Variants in VTA1 observed in about 807,000 individuals in gnomAD.
VTA1 encodes vesicle trafficking 1, also known as vacuolar protein sorting-associated protein VTA1 homolog.
A neutral mutation model predicts 36.9 loss-of-function variants in VTA1; 24 were observed. That is an observed-to-expected ratio of 0.65 (90% CI 0.47 to 0.91). The LOEUF is 0.91. VTA1 is among the 40% of genes least tolerant of loss of function. The pLI is 0.00. For synonymous variants in VTA1, 142 were observed against 130.2 expected (o/e 1.09, Z -0.62); for missense variants, 393 against 377.2 (o/e 1.04, Z -0.35).
chr6:142,165,702 A>G (rs1221679055), intron 1 of VTA1, among the ~76,000 whole-genome samples: 3 of 152,300 alleles, frequency 2.0e-5, no homozygotes, highest in East Asian at 3.9e-4. Flanking sequence ...GGTGACAGCT[A>G]TTTAGGTTTA....
chr6:142,222,406 G>C lies in VTA1; in HGVS notation c.*3763G>C, dbSNP rs553926539. 8.3e-4 allele frequency: 126 copies of C among 152,238 alleles called. No individual in the cohort carries two copies. Among genetic ancestry groups the C allele is most frequent in the African/African-American group, 2.9e-3 (121 of 41,556 alleles). 9.4% of individuals were successfully genotyped at this position (152,238 alleles called of 1,614,324 possible). On this transcript the variant is annotated 3_prime_UTR_variant, in exon 8 of 8. Transcript: ENST00000367630. ...GCTGCAAGCCAAGAATAGTTCCCATGGTTAGCATGGCCTAGGAAGTTTACT... is the reference window on the plus strand; with the variant it reads ...GCTGCAAGCCAAGAATAGTTCCCATCGTTAGCATGGCCTAGGAAGTTTACT...
intron 7 of VTA1, among the ~76,000 whole-genome samples, chr6:142,208,429 A>G (rs998796670): frequency 1.3e-5 from 2 of 152,190 alleles, no homozygotes; most frequent in African/African-American, 2.4e-5. Flanking sequence ...ACTGGCTACA[A>G]GATATAGAAA....
At chr6:142,154,955 T>C (rs1212270246) in intron 1 of VTA1, among the ~76,000 whole-genome samples, 1 of 152,110 alleles carries the variant, frequency 6.6e-6, no homozygotes, top group African/African-American at 2.4e-5. Context: ...TTTACCGCTT[T>C]CTTTAGATTT....
chr6:142,194,919 T>G (rs927718902), intron 5 of VTA1, among the ~76,000 whole-genome samples: 6 of 152,154 alleles, frequency 3.9e-5, no homozygotes, highest in East Asian at 1.9e-4. Flanking sequence ...AGGACTTTTT[T>G]TCTTCTGTTA....
At chr6:142,169,103 A>G (rs1054053581) in intron 2 of VTA1, among the ~76,000 whole-genome samples, 22 of 152,086 alleles carry the variant, frequency 1.4e-4, no homozygotes, top group Non-Finnish European at 3.1e-4. Context: ...TGAACCTTCT[A>G]GTCTTATTTT....
At position 142,176,995 on chromosome 6, in the gene VTA1, CTTA is replaced by C. The variant is rs200342754; in HGVS notation, c.411+6581_411+6583del. On this transcript the variant is annotated intron_variant, in intron 4 of 7. Transcript: ENST00000367630. ...TGGAACGTTTCAAAGTGAGCAACAT[CTTA>C]TTATTAGCCTAGAAAACCATGGTAA... is the stretch of plus-strand genomic sequence containing the variant. Among the ~76,000 whole-genome samples, 1,306 of 152,272 alleles carry C rather than the reference CTTA, an allele frequency of 8.6e-3. 20 individuals are homozygous for C. Among genetic ancestry groups the C allele is most frequent in the African/African-American group, 0.03 (1,233 of 41,546 alleles).
In VTA1 at chr6:142,198,488, A is replaced by T; in HGVS notation, c.570A>T (p.Pro190=). 6.2e-7 allele frequency: 1 copy of T among 1,614,088 alleles called. No homozygotes were observed. The highest frequency in any genetic ancestry group is 8.5e-7 in the Non-Finnish European group (1 of 1,179,980). The change falls in exon 6 of 8, where the codon CCA becomes CCT. Residue 190 remains proline, a synonymous_variant. Transcript: ENST00000367630. ...GAGCAGCCTCTCTGCCCACTCAGCC[A>T]ACTCAGCCATCATCATCTTCAACTT... ...DAGAASLPTQ[P]TQPSSSSTYD... is the part of the protein sequence containing the mutation.
At chr6:142,197,044 C>T (rs1775565210) in intron 5 of VTA1, among the ~76,000 whole-genome samples, 1 of 152,142 alleles carries the variant, frequency 6.6e-6, no homozygotes, top group African/African-American at 2.4e-5. Flanking sequence ...TGACTGCCCT[C>T]AGATGAACAG....
chr6:142,158,575 T>A (rs1778709948), intron 1 of VTA1, among the ~76,000 whole-genome samples: 1 of 152,218 alleles, frequency 6.6e-6, no homozygotes, highest in African/African-American at 2.4e-5. Flanking sequence ...TCTTATGTTT[T>A]TATCCATTAT....
At chr6:142,161,089 C>CA (rs1350593969) in intron 1 of VTA1, among the ~76,000 whole-genome samples, 1 of 143,494 alleles carries the variant, frequency 7.0e-6, no homozygotes, top group Admixed American at 7.0e-5. Flanking sequence ...CCCCCCCCCC[C>CA]CTTTTTTTGG....
chr6:142,181,094 A>AAAAAAAAAAATATAT (rs1471429927), intron 4 of VTA1, among the ~76,000 whole-genome samples: 1 of 36,424 alleles, frequency 2.7e-5, no homozygotes, highest in African/African-American at 7.6e-5. Flanking sequence ...AAAAAAAAAA[A>AAAAAAAAAAATATAT]ATATATATAT....
At chr6:142,216,760 A>G (rs1325127056) in intron 7 of VTA1, among the ~76,000 whole-genome samples, 1 of 152,196 alleles carries the variant, frequency 6.6e-6, no homozygotes, top group Non-Finnish European at 1.5e-5. Context: ...TTAATAAGTG[A>G]TATGTCAGCC....
At chr6:142,203,916 A>G in intron 6 of VTA1, 69 bp from the exon 7 acceptor site, 3 of 1,271,554 alleles carry the variant, frequency 2.4e-6, no homozygotes, top group South Asian at 2.5e-5. Context: ...ATGATTTTTA[A>G]GTGCTGCCCT....
chr6:142,219,597 C>G lies in VTA1; in HGVS notation c.*954C>G, dbSNP rs941807703. 1 of 152,162 alleles carries G rather than the reference C, an allele frequency of 6.6e-6. No homozygotes were observed. The highest frequency in any genetic ancestry group is 1.5e-5 in the Non-Finnish European group (1 of 68,016). The allele number at this position is 152,162 out of a possible 1,614,324, so 9.4% of individuals were successfully genotyped here. Reference sequence around the variant, plus strand: ...AATACAAGGATTCGTTTAGCTAATTCAACTTACTACAAAGACAAATGTCTG... The same window carrying G: ...AATACAAGGATTCGTTTAGCTAATTGAACTTACTACAAAGACAAATGTCTG... On this transcript the variant is annotated 3_prime_UTR_variant, in exon 8 of 8. Coordinates refer to ENST00000367630, the MANE Select transcript of VTA1 (RefSeq NM_016485.5).
intron 4 of VTA1, among the ~76,000 whole-genome samples, chr6:142,181,459 A>T (rs895143780): frequency 6.8e-6 from 1 of 146,818 alleles, no homozygotes; most frequent in Non-Finnish European, 1.5e-5. Flanking sequence ...TATATTTTAT[A>T]TATATATATA....
rs1395108528 is a variant in VTA1 at position 142,215,008 on chromosome 6, A to T, written c.779-3490A>T. ...ATATGTGTGATATTAATGTATATTA[A>T]ATATATTGTAATGAATTTATGGCTC... On this transcript the variant is annotated intron_variant, in intron 7 of 7. Transcript: ENST00000367630. Among the ~76,000 whole-genome samples, 7 of 152,296 alleles carry T rather than the reference A, an allele frequency of 4.6e-5. No individual in the cohort carries two copies. The East Asian group carries it at 1.3e-3, about 29-fold the overall frequency.
intron 1 of VTA1, among the ~76,000 whole-genome samples, chr6:142,160,275 A>G (rs916258294): frequency 6.6e-5 from 10 of 152,334 alleles, no homozygotes; most frequent in African/African-American, 2.4e-4. Flanking sequence ...CTGAATACCC[A>G]GGGTAACATA....
chr6:142,167,232 A>G (rs1273751378), intron 2 of VTA1, among the ~76,000 whole-genome samples: 1 of 152,106 alleles, frequency 6.6e-6, no homozygotes, highest in Non-Finnish European at 1.5e-5. Flanking sequence ...ATTGGATTGG[A>G]TGTCAGTGCA....
At chr6:142,201,011 C>T (rs1182852158) in intron 6 of VTA1, among the ~76,000 whole-genome samples, 1 of 151,868 alleles carries the variant, frequency 6.6e-6, no homozygotes, top group Non-Finnish European at 1.5e-5. Flanking sequence ...AATGACAGAA[C>T]CAGGATTTGA....
Sources: gnomAD v4.1 joint callset for allele counts (sites outside exome capture counted in the v4.1 genomes callset) on GRCh38, gnomAD v4.1.1 for gene constraint, MANE v1.5 for transcripts, NCBI Gene and HGNC (gene_info 2026-07-23, HGNC 2026-07-21) for gene names.